The following OBSL1 variants were observed in gnomAD, a reference collection of about 807,000 sequenced individuals.
OBSL1 encodes obscurin like cytoskeletal adaptor 1, also known as obscurin-like protein 1.
A neutral mutation model predicts 172.0 loss-of-function variants in OBSL1; 160 were observed. The ratio of observed to expected loss-of-function variants is 0.93; its 90% CI spans 0.82 to 1.06. OBSL1 has a LOEUF of 1.06. Ranked by LOEUF, OBSL1 falls within the 50% of genes least tolerant of loss-of-function variation. The probability of loss-of-function intolerance (pLI) is 0.00; values close to 1 mark genes in which losing one functional copy is unlikely to be tolerated. For missense variants in OBSL1, 2,681 were observed against 2,715.4 expected (o/e 0.99, Z 0.28); for synonymous variants, 1,200 against 1,196.3 (o/e 1.00, Z -0.06).
intron 18 of OBSL1, 152 bp from the exon 19 acceptor site, chr2:219,552,368 G>A (rs770577648): frequency 2.1e-4 from 182 of 883,662 alleles, no homozygotes; most frequent in Non-Finnish European, 2.9e-4. Context: ...GAAGCCTAGA[G>A]GTCCGGGACT....
chr2:219,557,273 G>A (rs537264798), intron 12 of OBSL1, 70 bp downstream of exon 12: 12 of 1,393,866 alleles, frequency 8.6e-6, no homozygotes, highest in Non-Finnish European at 1.0e-5. Flanking sequence ...GAGGAGTAAG[G>A]GGGCCCTAGA....
rs766718073 is a variant in OBSL1 at position 219,554,503 on chromosome 2, A to G, written c.4847T>C (p.Leu1616Pro). 23 of 1,613,148 alleles carry G rather than the reference A, an allele frequency of 1.4e-5. No individual in the cohort carries two copies. The highest frequency in any genetic ancestry group is 1.9e-5 in the Non-Finnish European group (22 of 1,179,884). The change falls in exon 15 of 21, where the codon CTG becomes CCG. Residue 1616 changes from leucine to proline, a missense_variant. By Grantham distance (98) the Leu-to-Pro change is moderately conservative. Around this residue, in one of 5 missense-constraint regions of OBSL1, gnomAD observed 1,765 missense variants for 1,748.3 expected, o/e 1.01. Coordinates refer to ENST00000404537, the MANE Select transcript of OBSL1 (RefSeq NM_015311.3). Reference protein sequence around the residue: ...SGCVSFTADSLRCAARLIVRE... With the variant: ...SGCVSFTADSPRCAARLIVRE... The stretch of plus-strand genomic sequence containing the variant: ...CACAATGAGTCTGGCTGCGCAGCGC[A>G]GGGAATCCGCTGTGAAGGAGACACA...
chr2:219,553,577 C>T lies in OBSL1; in HGVS notation c.4986G>A (p.Glu1662=). 6.2e-7 allele frequency: 1 copy of T among 1,612,218 alleles called. No homozygotes were observed. The highest frequency in any genetic ancestry group is 8.5e-7 in the Non-Finnish European group (1 of 1,178,580). ...TTGGCTGGGGCTGGGATCTGACCTT[C>T]TCCCAGGTAACATCAGCCAAAGCTT... ...LSQALADVTW[E]KDGNALTPSP... Residue 1662 remains glutamate (E), a synonymous_variant, in exon 16 of 21, where the codon GAG becomes GAA. Coordinates refer to ENST00000404537, the MANE Select transcript of OBSL1 (RefSeq NM_015311.3).
Position 219,556,657 on chromosome 2 carries a change from G to A in OBSL1, c.4133C>T (p.Thr1378Met), listed in dbSNP as rs200449388. Residue 1378 changes from threonine (T) to methionine (M), a missense_variant, in exon 13 of 21, where the codon ACG (threonine) becomes ATG (methionine). By Grantham distance (81) the Thr-to-Met change is moderately conservative (BLOSUM62 -1). Transcript: ENST00000404537. The part of the protein sequence containing the change: ...PLTVHEGDDA[T>M]FRCEVSPPDA... ...TGGTGGGGAGACTTCACACCGGAAC[G>A]TGGCATCATCGCCCTCGTGGACAGT... The A allele has an allele frequency of 1.4e-4, 230 of 1,612,646 alleles. No individual in the cohort carries two copies. The highest frequency in any genetic ancestry group is 6.6e-4 in the Middle Eastern group (4 of 6,076).
At chr2:219,547,684 C>T (rs200927556), downstream of OBSL1, 19 of 1,561,050 alleles carry the variant, frequency 1.2e-5, no homozygotes, top group Admixed American at 8.8e-5. Flanking sequence ...TAGTGCGCAG[C>T]GTGGGCCTCT....
Position 219,570,456 on chromosome 2 carries a change from C to G in OBSL1, c.777G>C (p.Glu259Asp). The G allele has an allele frequency of 1.2e-6, 2 of 1,613,110 alleles. No homozygotes were observed. The highest frequency in any genetic ancestry group is 1.7e-6 in the Non-Finnish European group (2 of 1,179,572). ...KCAPKTFWVN[E>D]GKHAKFRCYV... ...AGCAGCGGAACTTGGCGTGCTTGCC[C>G]TCGTTCACCCAGAAGGTCTTAGGCG... is the stretch of plus-strand genomic sequence containing the variant. The change falls in exon 1 of 21, where the codon GAG becomes GAC. Residue 259 changes from glutamate to aspartate, a missense_variant. Physicochemically the swap from Glu to Asp is conservative, Grantham distance 45 (BLOSUM62 2). Transcript: ENST00000404537.
rs1163219784 is a variant in OBSL1, at chr2:219,557,829, C to T, written c.3784G>A (p.Val1262Met). The T allele has an allele frequency of 1.3e-6, 2 of 1,597,728 alleles. No homozygotes were observed. Among genetic ancestry groups the T allele is most frequent in the Admixed American group, 1.7e-5 (1 of 59,166 alleles). Residue 1262 changes from valine to methionine, a missense_variant, in exon 11 of 21, where the codon GTG becomes ATG. Physicochemically the swap from Val to Met is conservative, Grantham distance 21 (BLOSUM62 1). Around this residue, in one of 5 missense-constraint regions of OBSL1, gnomAD observed 1,765 missense variants for 1,748.3 expected, o/e 1.01. Coordinates refer to ENST00000404537, the MANE Select transcript of OBSL1 (RefSeq NM_015311.3). ...ATGCCCAGGCTGTACTCACCAGCCA[C>T]CTGGACGGTGAAGCTGAGGCTTGGG... The part of the protein sequence containing the change: ...GAPSLSFTVQ[V>M]AEPPVRVVAP...
chr2:219,549,644 G>A, downstream of OBSL1: 1 of 1,589,360 alleles, frequency 6.3e-7, no homozygotes, highest in Non-Finnish European at 8.6e-7. Flanking sequence ...CAGGCTTGTG[G>A]GAATTCAGGA....
In OBSL1 at chr2:219,570,255, G is replaced by A. The variant is rs2106112941; in HGVS notation, c.978C>T (p.Gly326=). 1.9e-6 allele frequency: 3 copies of A among 1,588,370 alleles called. No individual in the cohort carries two copies. The highest frequency in any genetic ancestry group is 2.6e-6 in the Non-Finnish European group (3 of 1,165,062). The change falls in exon 1 of 21, where the codon GGC becomes GGT. Residue 326 remains glycine, a synonymous_variant. Coordinates refer to ENST00000404537, the MANE Select transcript of OBSL1 (RefSeq NM_015311.3). ...LYVCAARNSA[G]QTLSAVQLHV... ...GCAGCTGCACGGCACTGAGCGTCTG[G>A]CCCGCCGAGTTGCGCGCGGCGCAGA...
intron 8 of OBSL1, chr2:219,559,771 G>A (rs553311154): frequency 4.5e-5 from 21 of 464,566 alleles, no homozygotes; most frequent in South Asian, 4.4e-4. Flanking sequence ...CATCGGTCAC[G>A]TTAACATGTC....
chr2:219,550,138 G>A, downstream of OBSL1: 2 of 359,140 alleles, frequency 5.6e-6, no homozygotes, highest in Non-Finnish European at 1.0e-5. Flanking sequence ...TGTGTGTGGG[G>A]GTGGGCAGGC....
chr2:219,556,013 C>G lies in OBSL1; in HGVS notation c.4609+7G>C. ...GGTAATGCATTAAGAGAGGACGGGG[C>G]ACTCACGCCTCACGCTGAGCCTGGC... On this transcript the variant is annotated splice_region_variant and intron_variant, in intron 14 of 20. Coordinates refer to ENST00000404537, the MANE Select transcript of OBSL1 (RefSeq NM_015311.3). The G allele has an allele frequency of 6.2e-7, 1 of 1,612,986 alleles. No individual in the cohort carries two copies. Among genetic ancestry groups the G allele is most frequent in the South Asian group, 1.1e-5 (1 of 91,032 alleles).
rs75063691 is a variant in OBSL1, at chr2:219,568,692, C to A, written c.1013-368G>T. On this transcript the variant is annotated intron_variant, in intron 1 of 20. Transcript: ENST00000404537. This position sits in a 1 kb window ranked among gnomAD's most constrained non-coding sequence, Gnocchi z 4.1. The stretch of plus-strand genomic sequence containing the variant: ...TTCCAAACTGTTCCCTGGCTCCCCC[C>A]GCCCCAGTCATTTCACATATTCTGC... 6.6e-6 allele frequency among the ~76,000 whole-genome samples: 1 copy of A among 152,104 alleles called. No individual in the cohort carries two copies. Among genetic ancestry groups the A allele is most frequent in the East Asian group, 1.9e-4 (1 of 5,186 alleles).
Position 219,563,361 on chromosome 2 carries a change from T to C in OBSL1, c.2674A>G (p.Ile892Val). ...GGCCCACCTGGCCCCCCACCTGTGA[T>C]GGTGACAGTGAAGTAGGCACACTCA... is the stretch of plus-strand genomic sequence containing the variant. ...GDECAYFTVT[I>V]TDVSSWIVYP... The change falls in exon 7 of 21, where the codon ATC becomes GTC. Residue 892 changes from isoleucine to valine, a missense_variant. Physicochemically the swap from Ile to Val is conservative, Grantham distance 29 (BLOSUM62 3). Transcript: ENST00000404537. 1.9e-6 allele frequency: 3 copies of C among 1,566,366 alleles called. No individual in the cohort carries two copies. The highest frequency in any genetic ancestry group is 1.3e-5 in the African/African-American group (1 of 74,340).
At chr2:219,562,254 C>T in intron 8 of OBSL1, 148 bp downstream of exon 8, 1 of 979,094 alleles carries the variant, frequency 1.0e-6, no homozygotes, top group Non-Finnish European at 1.5e-6. Context: ...GAATAGGGGC[C>T]CTGGGCTCAT....
downstream of OBSL1, chr2:219,549,152 T>C (rs1695470730): frequency 6.2e-7 from 1 of 1,613,644 alleles, no homozygotes; most frequent in African/African-American, 1.3e-5. Context: ...CCCACCACAG[T>C]GGTCATCAGC....
chr2:219,558,556 C>G (rs1308026653), intron 9 of OBSL1, 97 bp from the exon 10 acceptor site: 56 of 1,348,940 alleles, frequency 4.2e-5, no homozygotes, highest in Non-Finnish European at 5.4e-5. Flanking sequence ...GGCAGCACAG[C>G]TCTTGAGAAC....
At chr2:219,561,745 GT>G (rs1574552561) in intron 8 of OBSL1, 1 of 653,454 alleles carries the variant, frequency 1.5e-6, no homozygotes, top group African/African-American at 1.8e-5. Context: ...ATGTTTATTG[GT>G]TTAACACAGG....
chr2:219,551,364 C>T lies in OBSL1; in HGVS notation c.5683+165G>A, dbSNP rs541844651. Reference sequence around the variant, plus strand: ...TGAGCCAAGCAGTTCCAGGGCTTTCCAGCCCTGGGTGTGCTCTACCCCTCC... The same window carrying T: ...TGAGCCAAGCAGTTCCAGGGCTTTCTAGCCCTGGGTGTGCTCTACCCCTCC... On this transcript the variant is annotated intron_variant, in intron 20 of 20. Transcript: ENST00000404537. 7.2e-6 allele frequency: 10 copies of T among 1,379,666 alleles called. No homozygotes were observed. In the South Asian group the frequency reaches 1.6e-4, roughly 21 times the overall value. 85.5% of individuals were successfully genotyped at this position (1,379,666 alleles called of 1,614,324 possible).
Sources: allele counts gnomAD v4.1 joint callset (sites outside exome capture counted in the v4.1 genomes callset), GRCh38; gene constraint gnomAD v4.1.1; regional missense constraint gnomAD v4.1.1; non-coding constraint Gnocchi (gnomAD v3.1); transcripts MANE v1.5; gene names NCBI Gene and HGNC (gene_info 2026-07-23, HGNC 2026-07-21).